The following ZNF215 variants were observed in gnomAD, a reference collection of about 807,000 sequenced individuals.
The protein encoded by ZNF215 is BWSCR2-associated zinc finger protein 2.
ZNF215 carries 24 observed loss-of-function variants against 27.2 expected under a neutral mutation model. The observed-to-expected ratio is 0.88, with a 90% CI of 0.64 to 1.24. ZNF215 has a LOEUF of 1.24. Among genes scored for constraint, ZNF215 ranks in the 50% most tolerant of loss-of-function variants. The pLI is 0.00. For missense variants in ZNF215, 675 were observed against 605.7 expected (o/e 1.11, Z -1.20); for synonymous variants, 210 against 204.0 (o/e 1.03, Z -0.25).
intron 3 of ZNF215, among the ~76,000 whole-genome samples, chr11:6,937,486 C>CTTTTT (rs57676890): frequency 5.9e-5 from 7 of 118,932 alleles, no homozygotes; most frequent in African/African-American, 2.3e-4. Context: ...ATCTCAGCTG[C>CTTTTT]TTTTTTTTTT....
chr11:6,956,255 A>T lies in ZNF215; in HGVS notation c.1278A>T (p.Gln426His), dbSNP rs544955839. 8 of 1,613,972 alleles carry T rather than the reference A, an allele frequency of 5.0e-6. No homozygotes were observed. The highest frequency in any genetic ancestry group is 6.8e-6 in the Non-Finnish European group (8 of 1,179,980). The stretch of plus-strand genomic sequence containing the variant: ...GACGTACAAACCTTACTAAGCATCA[A>T]AAACTTCATGCTGAAGCAAAGGCCT... ...FNRRTNLTKHQKLHAEAKACT... is the reference protein window; with the variant it reads ...FNRRTNLTKHHKLHAEAKACT... Residue 426 changes from glutamine to histidine, a missense_variant, in exon 7 of 7, where the codon CAA (glutamine) becomes CAT (histidine). Coordinates refer to ENST00000278319, the MANE Select transcript of ZNF215 (RefSeq NM_013250.4).
In ZNF215 at chr11:6,956,977, A is replaced by T. The variant is rs1850385008; in HGVS notation, c.*446A>T. 1.0e-6 allele frequency: 1 copy of T among 988,844 alleles called. No individual in the cohort carries two copies. Among genetic ancestry groups the T allele is most frequent in the South Asian group, 4.6e-5 (1 of 21,596 alleles). 61.3% of individuals were successfully genotyped at this position (988,844 alleles called of 1,614,324 possible). A position where few individuals can be genotyped will look rare whatever the true frequency, so the allele number is the denominator to read the frequency against. ...AGAAATCATTAGCTCATGCGAATAT[A>T]AGAGAATACTTCTAAGGACAGAAAT... On this transcript the variant is annotated 3_prime_UTR_variant, in exon 7 of 7. Coordinates refer to ENST00000278319, the MANE Select transcript of ZNF215 (RefSeq NM_013250.4).
chr11:6,985,281 T>A (rs1370735892), downstream of ZNF215, among the ~76,000 whole-genome samples: 1 of 152,126 alleles, frequency 6.6e-6, no homozygotes, highest in East Asian at 1.9e-4. Flanking sequence ...CACAAAAACA[T>A]AATTAAAAGG....
At chr11:6,980,892 A>G (rs1467971664) in intron 5 of ZNF215, among the ~76,000 whole-genome samples, 4 of 151,066 alleles carry the variant, frequency 2.6e-5, no homozygotes, top group Non-Finnish European at 5.9e-5. Flanking sequence ...AGTTTACTGA[A>G]AATGATGATT....
chr11:6,984,088 A>G (rs1453843346), intron 5 of ZNF215: 4 of 403,208 alleles, frequency 9.9e-6, no homozygotes, highest in Non-Finnish European at 1.9e-5. Context: ...TATTTCAGGA[A>G]GATAATTTGA....
At chr11:6,979,109 T>C (rs577602778) in intron 5 of ZNF215, among the ~76,000 whole-genome samples, 25 of 152,018 alleles carry the variant, frequency 1.6e-4, no homozygotes, top group Non-Finnish European at 3.4e-4. Context: ...GAATACAAAT[T>C]TTGGATCAGT....
In ZNF215 at chr11:6,943,622, A is replaced by G. The variant is rs766574573; in HGVS notation, c.693A>G (p.Ile231Met). The G allele has an allele frequency of 1.2e-6, 2 of 1,613,734 alleles. No homozygotes were observed. Residue 231 changes from isoleucine (I) to methionine (M), a missense_variant, in exon 6 of 7, where the codon ATA (isoleucine) becomes ATG (methionine). Physicochemically the swap from Ile to Met is conservative, Grantham distance 10. Coordinates refer to ENST00000278319, the MANE Select transcript of ZNF215 (RefSeq NM_013250.4). Reference protein sequence around the residue: ...KKKRWIMEKEIPRKTIFDMKS... With the variant: ...KKKRWIMEKEMPRKTIFDMKS... ...AAAGATGGATAATGGAGAAAGAAAT[A>G]CCAAGGAAGACTATTTTTGGTAAGA...
intron 6 of ZNF215, among the ~76,000 whole-genome samples, chr11:6,948,143 G>A (rs1204128373): frequency 6.6e-6 from 1 of 152,170 alleles, no homozygotes; most frequent in Non-Finnish European, 1.5e-5. Context: ...GTGTGGCAAA[G>A]GATGTGCAGC....
At chr11:6,975,698 G>T (rs2133343969) in intron 5 of ZNF215, among the ~76,000 whole-genome samples, 1 of 152,144 alleles carries the variant, frequency 6.6e-6, no homozygotes, top group South Asian at 2.1e-4. Context: ...TTTTATGGCT[G>T]AATATTACGC....
At position 6,932,310 on chromosome 11, in the gene ZNF215, C is replaced by T; in HGVS notation, c.38C>T (p.Pro13Leu). ...AGCAAGTTGATGGCTATCTCAAAACCTCGAAACCTGTCTCTACGTGAACAA... is the reference window on the plus strand; with the variant it reads ...AGCAAGTTGATGGCTATCTCAAAACTTCGAAACCTGTCTCTACGTGAACAA... ...PLSKLMAISK[P>L]RNLSLREQRE... is the part of the protein sequence containing the mutation. Residue 13 changes from proline to leucine, a missense_variant, in exon 3 of 7, where the codon CCT (proline) becomes CTT (leucine). By Grantham distance (98) the Pro-to-Leu change is moderately conservative. Transcript: ENST00000278319. The T allele has an allele frequency of 6.2e-7, 1 of 1,614,064 alleles. No individual in the cohort carries two copies. Among genetic ancestry groups the T allele is most frequent in the Non-Finnish European group, 8.5e-7 (1 of 1,180,028 alleles).
downstream of ZNF215, among the ~76,000 whole-genome samples, chr11:6,962,295 C>T (rs998757747): frequency 6.6e-6 from 1 of 152,100 alleles, no homozygotes; most frequent in African/African-American, 2.4e-5. Context: ...CAAAATCAAC[C>T]CTCTTATCTC....
chr11:6,992,166 G>T (rs929963247), downstream of ZNF215, among the ~76,000 whole-genome samples: 2 of 152,216 alleles, frequency 1.3e-5, no homozygotes, highest in Admixed American at 1.3e-4. Flanking sequence ...ACTACATGGA[G>T]AGAGAAAAAG....
chr11:6,988,028 T>C (rs900777183), downstream of ZNF215, among the ~76,000 whole-genome samples: 12 of 152,360 alleles, frequency 7.9e-5, no homozygotes, highest in African/African-American at 2.9e-4. Flanking sequence ...AAGAACATTC[T>C]GTAGGAGACT....
Position 6,932,486 on chromosome 11 carries a change from C to T in ZNF215, c.214C>T (p.Leu72Phe). Residue 72 changes from leucine to phenylalanine, a missense_variant, in exon 3 of 7, where the codon CTC becomes TTC. Leu to Phe is a conservative substitution (Grantham distance 22). Coordinates refer to ENST00000278319, the MANE Select transcript of ZNF215 (RefSeq NM_013250.4). ...PHEALSQLWE[L>F]CLQWLRPEIH... Reference sequence around the variant, plus strand: ...TGAAGCCCTGAGCCAACTCTGGGAGCTCTGTCTTCAATGGCTGAGACCAGA... The same window carrying T: ...TGAAGCCCTGAGCCAACTCTGGGAGTTCTGTCTTCAATGGCTGAGACCAGA... 1 of 1,614,150 alleles carries T rather than the reference C, an allele frequency of 6.2e-7. No homozygotes were observed. The highest frequency in any genetic ancestry group is 1.6e-4 in the Middle Eastern group (1 of 6,062).
chr11:6,971,361 C>T (rs886401923), intron 5 of ZNF215, among the ~76,000 whole-genome samples: 1 of 152,146 alleles, frequency 6.6e-6, no homozygotes, highest in African/African-American at 2.4e-5. Context: ...AGAGTTGTTG[C>T]TCCTTTGCAT....
chr11:6,936,036 G>T (rs1849425512), intron 3 of ZNF215, among the ~76,000 whole-genome samples: 1 of 152,078 alleles, frequency 6.6e-6, no homozygotes, highest in Non-Finnish European at 1.5e-5. Flanking sequence ...GACATACAGT[G>T]AAGGCATGGC....
downstream of ZNF215, among the ~76,000 whole-genome samples, chr11:6,958,800 A>G (rs903529306): frequency 2.0e-5 from 3 of 152,174 alleles, no homozygotes; most frequent in South Asian, 2.1e-4. Flanking sequence ...TGAAGGTCCA[A>G]GAGTCCCAAA....
chr11:6,980,883 G>C (rs1850937450), intron 5 of ZNF215, among the ~76,000 whole-genome samples: 1 of 150,688 alleles, frequency 6.6e-6, no homozygotes, highest in Non-Finnish European at 1.5e-5. Flanking sequence ...TCTTGTGATA[G>C]TTTACTGAAA....
intron 3 of ZNF215, among the ~76,000 whole-genome samples, chr11:6,934,157 C>A (rs1246512815): frequency 6.6e-6 from 1 of 151,804 alleles, no homozygotes; most frequent in African/African-American, 2.4e-5. Context: ...TGATAAGCAG[C>A]CTGGAAAGTA....
Sources: gnomAD v4.1 joint callset for allele counts (sites outside exome capture counted in the v4.1 genomes callset) on GRCh38, gnomAD v4.1.1 for gene constraint, MANE v1.5 for transcripts, NCBI Gene and HGNC (gene_info 2026-07-23, HGNC 2026-07-21) for gene names.